The following CATSPERE variants were observed in gnomAD, a reference collection of about 807,000 sequenced individuals.
The protein encoded by CATSPERE is cation channel sperm-associated auxiliary subunit epsilon.
Under a neutral mutation model 114.1 loss-of-function variants are expected in CATSPERE, and 93 were observed. The observed-to-expected ratio is 0.81, with a 90% CI of 0.69 to 0.97. The LOEUF (loss-of-function observed/expected upper bound fraction) is 0.97, where lower values mean the gene tolerates loss of function less well. Ranked by LOEUF, CATSPERE falls within the 50% of genes least tolerant of loss-of-function variation. The pLI, the probability that CATSPERE is intolerant of heterozygous loss-of-function variation, is 0.00. For synonymous variants in CATSPERE, 341 were observed against 384.1 expected (o/e 0.89, Z 1.31); for missense variants, 1,058 against 1,131.6 (o/e 0.93, Z 0.93).
intron 19 of CATSPERE, among the ~76,000 whole-genome samples, chr1:244,616,070 A>C (rs1356146121): frequency 6.6e-6 from 1 of 152,018 alleles, no homozygotes; most frequent in Non-Finnish European, 1.5e-5. Flanking sequence ...TCGAAGCTTC[A>C]GTGAGCTGTG....
chr1:244,626,945 T>C (rs1366115309), intron 20 of CATSPERE, among the ~76,000 whole-genome samples: 1 of 152,234 alleles, frequency 6.6e-6, no homozygotes, highest in African/African-American at 2.4e-5. Flanking sequence ...GCATTCACGA[T>C]GTGGCTAACT....
In CATSPERE at chr1:244,522,712, C is replaced by T. The variant is rs924543528; in HGVS notation, c.536+4014C>T. Among the ~76,000 whole-genome samples, 8 of 152,238 alleles carry T rather than the reference C, an allele frequency of 5.3e-5. No homozygotes were observed. In the South Asian group the frequency reaches 6.2e-4, roughly 12 times the overall value. On this transcript the variant is annotated intron_variant, in intron 8 of 21. Transcript: ENST00000366534. ...TCAGAGAATACTACAAACAACTCTACGCAAATGAACTAGAAAATCTAGAAG... is the reference window on the plus strand; with the variant it reads ...TCAGAGAATACTACAAACAACTCTATGCAAATGAACTAGAAAATCTAGAAG...
rs1663915203 is a variant in CATSPERE at position 244,568,352 on chromosome 1, T to C, written c.1508-3978T>C. On this transcript the variant is annotated intron_variant, in intron 10 of 21. Transcript: ENST00000366534. This position sits in a 1 kb window ranked among gnomAD's most constrained non-coding sequence, Gnocchi z 4.4. ...CCCACTTGAGGAAGCCGTCTGTCCC[T>C]TAGCAGAGCTTGAGGGCTGTGCTCG... 6.6e-6 allele frequency among the ~76,000 whole-genome samples: 1 copy of C among 152,206 alleles called. No homozygotes were observed. The highest frequency in any genetic ancestry group is 2.4e-5 in the African/African-American group (1 of 41,460).
intron 2 of CATSPERE, among the ~76,000 whole-genome samples, chr1:244,465,196 C>T (rs544200528): frequency 3.3e-5 from 5 of 152,018 alleles, no homozygotes; most frequent in South Asian, 4.2e-4. Flanking sequence ...CTACCATGCC[C>T]GGCTAATTTT....
At chr1:244,543,543 G>A (rs995828702) in intron 8 of CATSPERE, among the ~76,000 whole-genome samples, 5 of 151,488 alleles carry the variant, frequency 3.3e-5, no homozygotes, top group Non-Finnish European at 7.4e-5. Context: ...AGATTTACAG[G>A]AGGAGTAAGT....
chr1:244,486,038 C>T (rs1670956403), intron 5 of CATSPERE, among the ~76,000 whole-genome samples: 1 of 152,164 alleles, frequency 6.6e-6, no homozygotes, highest in African/African-American at 2.4e-5. Flanking sequence ...AATTGCTATA[C>T]TCTTCTGCCA....
chr1:244,530,547 T>A (rs1679425394), intron 8 of CATSPERE, among the ~76,000 whole-genome samples: 1 of 152,208 alleles, frequency 6.6e-6, no homozygotes, highest in Non-Finnish European at 1.5e-5. Flanking sequence ...TTTTTCCTAT[T>A]TCTGTAAAGA....
intron 1 of CATSPERE, among the ~76,000 whole-genome samples, chr1:244,455,257 C>T (rs927562494): frequency 6.6e-6 from 1 of 152,044 alleles, no homozygotes; most frequent in Non-Finnish European, 1.5e-5. Flanking sequence ...GTTCCCGCGT[C>T]CCCCCGCTCC....
At chr1:244,485,800 A>C (rs1310110518) in intron 5 of CATSPERE, among the ~76,000 whole-genome samples, 6 of 143,240 alleles carry the variant, frequency 4.2e-5, no homozygotes, top group Non-Finnish European at 3.0e-5. Flanking sequence ...GGTGTCAGGC[A>C]CTCCTCCCAC....
At chr1:244,601,705 C>A (rs1414396243) in intron 17 of CATSPERE, among the ~76,000 whole-genome samples, 1 of 152,110 alleles carries the variant, frequency 6.6e-6, no homozygotes. Context: ...GTAATCCCAG[C>A]ACTTCGGGAG....
At chr1:244,472,092 G>A (rs1668568431) in intron 2 of CATSPERE, among the ~76,000 whole-genome samples, 1 of 152,096 alleles carries the variant, frequency 6.6e-6, no homozygotes, top group South Asian at 2.1e-4. Context: ...CTGAGTAGCT[G>A]GGACTGCAGG....
rs1228435631 is a variant in CATSPERE, at chr1:244,633,825, C to T, written c.2649-1664C>T. 4.0e-5 allele frequency among the ~76,000 whole-genome samples: 6 copies of T among 151,892 alleles called. No individual in the cohort carries two copies. Among genetic ancestry groups the T allele is most frequent in the African/African-American group, 7.3e-5 (3 of 41,338 alleles). ...TAGGACTCAACACAAGCCTCTTTGC[C>T]GTGCTGTGAAAATTCCTGTGACAGG... On this transcript the variant is annotated intron_variant, in intron 20 of 21. Coordinates refer to ENST00000366534, the MANE Select transcript of CATSPERE (RefSeq NM_001130957.2). The surrounding 1 kb of genome is among the most constrained non-coding windows in gnomAD (Gnocchi z 4.1).
At chr1:244,639,204 T>G (rs959673046) in intron 21 of CATSPERE, among the ~76,000 whole-genome samples, 1 of 152,240 alleles carries the variant, frequency 6.6e-6, no homozygotes, top group Admixed American at 6.5e-5. Context: ...CACATTTCCA[T>G]GCCTTCTCAT....
At chr1:244,541,507 A>G (rs1449181206) in intron 8 of CATSPERE, among the ~76,000 whole-genome samples, 1 of 139,894 alleles carries the variant, frequency 7.1e-6, no homozygotes, top group African/African-American at 2.7e-5. Flanking sequence ...TCAGGAAACA[A>G]CAGGTGCTGG....
At position 244,577,982 on chromosome 1, in the gene CATSPERE, A is replaced by G. The variant is rs890226666; in HGVS notation, c.1951-3814A>G. ...AGGGAAAAAATAAAGTATGATAAAT[A>G]AAATAGGACTGGATTGATAATGTAC... On this transcript the variant is annotated intron_variant, in intron 11 of 21. Coordinates refer to ENST00000366534, the MANE Select transcript of CATSPERE (RefSeq NM_001130957.2). 2.0e-5 allele frequency among the ~76,000 whole-genome samples: 3 copies of G among 152,210 alleles called. No homozygotes were observed. The East Asian group carries it at 5.8e-4, about 29-fold the overall frequency.
intron 2 of CATSPERE, among the ~76,000 whole-genome samples, chr1:244,464,961 G>GAAA (rs11428659): frequency 6.0e-4 from 86 of 142,980 alleles, no homozygotes; most frequent in African/African-American, 1.9e-3. Context: ...ATACTTTACT[G>GAAA]AAAAAAAAAA....
At chr1:244,475,417 A>C (rs1368713187) in intron 2 of CATSPERE, among the ~76,000 whole-genome samples, 1 of 151,580 alleles carries the variant, frequency 6.6e-6, no homozygotes, top group African/African-American at 2.4e-5. Context: ...TATTTTTAGT[A>C]GAGACAGGGT....
chr1:244,591,365 C>G (rs1572906104), intron 14 of CATSPERE, among the ~76,000 whole-genome samples: 1 of 152,198 alleles, frequency 6.6e-6, no homozygotes, highest in South Asian at 2.1e-4. Context: ...ACTTACTCCT[C>G]CTATCTAATT....
chr1:244,563,505 C>G (rs1662915126), intron 10 of CATSPERE, among the ~76,000 whole-genome samples: 1 of 152,232 alleles, frequency 6.6e-6, no homozygotes. Context: ...TTGCATTTCT[C>G]TAATGACCAG....
Sources: allele counts gnomAD v4.1 joint callset (sites outside exome capture counted in the v4.1 genomes callset), GRCh38; gene constraint gnomAD v4.1.1; non-coding constraint Gnocchi (gnomAD v3.1); transcripts MANE v1.5; gene names NCBI Gene and HGNC (gene_info 2026-07-23, HGNC 2026-07-21).